The following BARD1 variants were observed in gnomAD, a reference collection of about 807,000 sequenced individuals.
BARD1 encodes the protein BRCA1-associated RING domain protein 1.
A neutral mutation model predicts 77.0 loss-of-function variants in BARD1; 73 were observed. The ratio of observed to expected loss-of-function variants is 0.95; its 90% CI spans 0.79 to 1.15. BARD1 has a LOEUF of 1.15. Among genes scored for constraint, BARD1 ranks in the 50% most tolerant of loss-of-function variants. The probability of loss-of-function intolerance (pLI) is 0.00; values close to 1 mark genes in which losing one functional copy is unlikely to be tolerated. For synonymous variants in BARD1, 384 were observed against 338.0 expected (o/e 1.14, Z -1.49); for missense variants, 993 against 938.8 (o/e 1.06, Z -0.75).
At chr2:214,753,186 T>A (rs1419520603) in intron 6 of BARD1, among the ~76,000 whole-genome samples, 1 of 152,238 alleles carries the variant, frequency 6.6e-6, no homozygotes, top group East Asian at 1.9e-4. Context: ...CCCAGTTTGA[T>A]CCTGTTCAAG....
chr2:214,748,308 G>A (rs2106027215), intron 7 of BARD1, among the ~76,000 whole-genome samples: 2 of 152,242 alleles, frequency 1.3e-5, no homozygotes, highest in South Asian at 4.1e-4. Context: ...GGTGGCATGG[G>A]GGCTGGGGAT....
intron 2 of BARD1, among the ~76,000 whole-genome samples, chr2:214,795,239 G>GT (rs557050485): frequency 7.9e-5 from 12 of 152,168 alleles, no homozygotes; most frequent in Non-Finnish European, 1.5e-4. Context: ...CTGGTAAAAA[G>GT]TAAGCCTCAC....
At chr2:214,772,503 T>TG (rs1159832806) in intron 4 of BARD1, among the ~76,000 whole-genome samples, 2 of 152,028 alleles carry the variant, frequency 1.3e-5, no homozygotes, top group Non-Finnish European at 2.9e-5. Flanking sequence ...AATTGTGAAA[T>TG]GGAAGAGTCT....
At position 214,728,491 on chromosome 2, in the gene BARD1, GCTT is replaced by G; in HGVS notation, c.*182_*184del. 3.1e-6 allele frequency: 2 copies of G among 636,456 alleles called. No homozygotes were observed. Among genetic ancestry groups the G allele is most frequent in the Non-Finnish European group, 2.6e-6 (1 of 378,794 alleles). The allele number at this position is 636,456 out of a possible 1,614,324, so 39.4% of individuals were successfully genotyped here. A position where few individuals can be genotyped will look rare whatever the true frequency, so the allele number is the denominator to read the frequency against. Reference sequence around the variant, plus strand: ...AGAAAAACCTTTAAAAGCAATCCCAGCTTCTAAATGGTAAACATAACATGAATT... The same window carrying G: ...AGAAAAACCTTTAAAAGCAATCCCAGCTAAATGGTAAACATAACATGAATT... On this transcript the variant is annotated 3_prime_UTR_variant, in exon 11 of 11. Coordinates refer to ENST00000260947, the MANE Select transcript of BARD1 (RefSeq NM_000465.4).
At chr2:214,774,426 T>C (rs1694651742) in intron 4 of BARD1, among the ~76,000 whole-genome samples, 2 of 152,220 alleles carry the variant, frequency 1.3e-5, no homozygotes, top group South Asian at 2.1e-4. Flanking sequence ...TGATGTTTTG[T>C]TGGGAGACAT....
chr2:214,730,378 A>T, intron 10 of BARD1, 33 bp downstream of exon 10: 10 of 1,559,732 alleles, frequency 6.4e-6, no homozygotes, highest in Non-Finnish European at 8.8e-6. Context: ...TGTCATAATA[A>T]GAACAATGAA....
chr2:214,780,994 T>C lies in BARD1; in HGVS notation c.880A>G (p.Arg294Gly), dbSNP rs1553622373. 6.2e-7 allele frequency: 1 copy of C among 1,613,250 alleles called. No homozygotes were observed. The highest frequency in any genetic ancestry group is 8.5e-7 in the Non-Finnish European group (1 of 1,179,512). ...TTCTCAGGAGTCACTACTTCATTCC[T>C]GCTCTTAGTGTCTGGAGACTCTATT... is the stretch of plus-strand genomic sequence containing the variant. ...EQIESPDTKS[R>G]NEVVTPEKVC... The change falls in exon 4 of 11, where the codon AGG (arginine) becomes GGG (glycine). Residue 294 changes from arginine (R) to glycine (G), a missense_variant. By Grantham distance (125) the Arg-to-Gly change is moderately radical. Transcript: ENST00000260947.
intron 2 of BARD1, 94 bp from the exon 3 acceptor site, chr2:214,792,539 A>G (rs1695577961): frequency 1.6e-6 from 2 of 1,245,374 alleles, no homozygotes; most frequent in African/African-American, 3.1e-5. Context: ...AATGGAGCAG[A>G]GGTTATTCTA....
intron 2 of BARD1, among the ~76,000 whole-genome samples, chr2:214,794,599 T>C (rs1050626664): frequency 6.6e-6 from 1 of 152,218 alleles, no homozygotes; most frequent in South Asian, 2.1e-4. Flanking sequence ...TTTTAAAAAG[T>C]CTCAGTTTTG....
intron 1 of BARD1, among the ~76,000 whole-genome samples, chr2:214,808,806 G>C (rs1414547158): frequency 6.6e-6 from 1 of 152,224 alleles, no homozygotes; most frequent in Non-Finnish European, 1.5e-5. Flanking sequence ...CACTAAGAGC[G>C]GGGACACCAG....
At chr2:214,797,572 T>A (rs1273112639) in intron 1 of BARD1, among the ~76,000 whole-genome samples, 1 of 151,776 alleles carries the variant, frequency 6.6e-6, no homozygotes, top group Admixed American at 6.6e-5. Flanking sequence ...TGAAGAGGAG[T>A]GATAATTGAA....
intron 2 of BARD1, 100 bp from the exon 3 acceptor site, chr2:214,792,545 T>C: frequency 2.6e-6 from 3 of 1,170,610 alleles, no homozygotes; most frequent in Non-Finnish European, 3.6e-6. Context: ...GCAGAGGTTA[T>C]TCTAACATAC....
intron 3 of BARD1, 34 bp from the exon 4 acceptor site, chr2:214,781,543 T>C (rs1217260029): frequency 3.2e-6 from 5 of 1,562,550 alleles, no homozygotes; most frequent in African/African-American, 1.4e-5. Context: ...ATCTGTTACA[T>C]GAAATTTATT....
chr2:214,759,804 T>C (rs1472081102), intron 6 of BARD1, among the ~76,000 whole-genome samples: 2 of 152,168 alleles, frequency 1.3e-5, no homozygotes, highest in African/African-American at 2.4e-5. Flanking sequence ...TGGTGAACTA[T>C]AAAAGCTCAT....
chr2:214,772,348 AT>A (rs1694540553), intron 4 of BARD1, among the ~76,000 whole-genome samples: 1 of 152,178 alleles, frequency 6.6e-6, no homozygotes, highest in Non-Finnish European at 1.5e-5. Flanking sequence ...AAGTGAGCAG[AT>A]AAACTGCCAG....
chr2:214,784,216 C>G (rs528203440), intron 3 of BARD1, among the ~76,000 whole-genome samples: 1 of 151,948 alleles, frequency 6.6e-6, no homozygotes, highest in Non-Finnish European at 1.5e-5. Context: ...AAAAAGTGGG[C>G]GAAGGATATA....
chr2:214,737,155 G>A (rs1195683467), intron 9 of BARD1, among the ~76,000 whole-genome samples: 1 of 152,092 alleles, frequency 6.6e-6, no homozygotes, highest in African/African-American at 2.4e-5. Context: ...TTACATAAAT[G>A]TGTGAAGAAC....
intron 1 of BARD1, among the ~76,000 whole-genome samples, chr2:214,805,313 A>G (rs1470360040): frequency 2.0e-5 from 3 of 152,080 alleles, no homozygotes; most frequent in African/African-American, 7.2e-5. Context: ...TTAAGCATAC[A>G]CTCCTTAAAG....
chr2:214,732,189 C>T (rs1263607687), intron 9 of BARD1, among the ~76,000 whole-genome samples: 1 of 152,172 alleles, frequency 6.6e-6, no homozygotes, highest in Non-Finnish European at 1.5e-5. Context: ...CTTACTTCAA[C>T]AGTAAATTGA....
Sources: allele counts gnomAD v4.1 joint callset (sites outside exome capture counted in the v4.1 genomes callset), GRCh38; gene constraint gnomAD v4.1.1; transcripts MANE v1.5; gene names NCBI Gene and HGNC (gene_info 2026-07-23, HGNC 2026-07-21).